The following SLC44A1 variants were observed in gnomAD, a reference collection of about 807,000 sequenced individuals.
SLC44A1 encodes choline transporter-like protein 1.
A neutral mutation model predicts 79.3 loss-of-function variants in SLC44A1; 26 were observed. The observed-to-expected ratio is 0.33, with a 90% CI of 0.24 to 0.46. The LOEUF is 0.46. Among genes scored for constraint, SLC44A1 ranks in the 20% least tolerant of loss-of-function variants. The probability of loss-of-function intolerance (pLI) is 1.00; values close to 1 mark genes in which losing one functional copy is unlikely to be tolerated. For missense variants in SLC44A1, 688 were observed against 798.1 expected, an observed-to-expected ratio of 0.86 and a Z score of 1.66; for synonymous variants, 263 against 286.2, an observed-to-expected ratio of 0.92 and a Z score of 0.82.
chr9:105,290,047 C>T (rs1240927203), intron 1 of SLC44A1, among the ~76,000 whole-genome samples: 2 of 152,116 alleles, frequency 1.3e-5, no homozygotes, highest in Non-Finnish European at 2.9e-5. Flanking sequence ...AACTCCTGAC[C>T]TCAGGTGATC....
chr9:105,400,461 C>A (rs112522431), downstream of SLC44A1, among the ~76,000 whole-genome samples: 825 of 149,224 alleles, frequency 5.5e-3, 4 homozygotes, highest in African/African-American at 0.019. Context: ...TGCACTCCAG[C>A]CTGGTGACAG....
chr9:105,246,366 C>T (rs1349332399), intron 1 of SLC44A1, among the ~76,000 whole-genome samples: 2 of 146,868 alleles, frequency 1.4e-5, no homozygotes, highest in Non-Finnish European at 3.0e-5. Flanking sequence ...CATCCTATTC[C>T]TCCAGTCTTT....
At chr9:105,280,600 T>G (rs1318600285) in intron 1 of SLC44A1, among the ~76,000 whole-genome samples, 1 of 152,188 alleles carries the variant, frequency 6.6e-6, no homozygotes, top group Non-Finnish European at 1.5e-5. Context: ...CAGGTATTAA[T>G]AGAAGAAAAC....
intron 12 of SLC44A1, among the ~76,000 whole-genome samples, chr9:105,372,420 C>T (rs1357681240): frequency 6.6e-6 from 1 of 151,776 alleles, no homozygotes. Context: ...TCCGAGTAGC[C>T]GGGATTACAG....
chr9:105,288,916 G>C lies in SLC44A1; in HGVS notation c.37-10304G>C, dbSNP rs887133773. 5.9e-5 allele frequency among the ~76,000 whole-genome samples: 9 copies of C among 152,262 alleles called. No individual in the cohort carries two copies. In the East Asian group the frequency reaches 1.5e-3, roughly 26 times the overall value. On this transcript the variant is annotated intron_variant, in intron 1 of 15. Transcript: ENST00000374720. Reference sequence around the variant, plus strand: ...TGTTTTGGAGAATCTTACAATAAAGGCTCAAAGAAATCCTTCTTGAAAGAC... The same window carrying C: ...TGTTTTGGAGAATCTTACAATAAAGCCTCAAAGAAATCCTTCTTGAAAGAC...
At chr9:105,285,958 A>C (rs1161440265) in intron 1 of SLC44A1, among the ~76,000 whole-genome samples, 4 of 152,082 alleles carry the variant, frequency 2.6e-5, no homozygotes, top group African/African-American at 9.7e-5. Flanking sequence ...AAAATTACAC[A>C]GACATGGTGG....
chr9:105,401,899 G>A (rs1828963178), downstream of SLC44A1, among the ~76,000 whole-genome samples: 1 of 152,168 alleles, frequency 6.6e-6, no homozygotes, highest in African/African-American at 2.4e-5. Context: ...AGCAGTGATA[G>A]TAGAGAGTGC....
chr9:105,301,194 G>C (rs1487449684), intron 2 of SLC44A1, among the ~76,000 whole-genome samples: 1 of 152,122 alleles, frequency 6.6e-6, no homozygotes, highest in Admixed American at 6.5e-5. Context: ...TGCCACCCGA[G>C]GTGCTTTGGA....
At chr9:105,321,315 T>C (rs1316912268) in intron 3 of SLC44A1, among the ~76,000 whole-genome samples, 2 of 152,240 alleles carry the variant, frequency 1.3e-5, no homozygotes, top group Non-Finnish European at 2.9e-5. Context: ...AAGCATTTAT[T>C]GAAAAGACTA....
At chr9:105,406,001 T>C (rs1209976593) in intron 15 of SLC44A1, among the ~76,000 whole-genome samples, 1 of 152,120 alleles carries the variant, frequency 6.6e-6, no homozygotes, top group Non-Finnish European at 1.5e-5. Flanking sequence ...ACCACAAACG[T>C]TCGCTTCTGG....
At chr9:105,360,084 C>T (rs903466279) in intron 7 of SLC44A1, among the ~76,000 whole-genome samples, 1 of 152,184 alleles carries the variant, frequency 6.6e-6, no homozygotes, top group South Asian at 2.1e-4. Flanking sequence ...TCTCTGCCCA[C>T]ATCTCTACCA....
intron 15 of SLC44A1, among the ~76,000 whole-genome samples, chr9:105,412,986 T>C (rs2131508673): frequency 6.6e-6 from 1 of 152,242 alleles, no homozygotes; most frequent in East Asian, 1.9e-4. Context: ...CTAGAGAAGA[T>C]ATCTACTGGG....
chr9:105,434,610 T>C (rs911999801), intron 15 of SLC44A1, among the ~76,000 whole-genome samples: 1 of 152,198 alleles, frequency 6.6e-6, no homozygotes, highest in Non-Finnish European at 1.5e-5. Context: ...AGTCTTGGAC[T>C]TTAAGATGGA....
At position 105,299,298 on chromosome 9, in the gene SLC44A1, T is replaced by C; in HGVS notation, c.115T>C (p.Cys39Arg). ...ATGGCTGCTGCTCTTCATCCTCTTCTGCATTGGGATGGTAAGGAAACTCTC... is the reference window on the plus strand; with the variant it reads ...ATGGCTGCTGCTCTTCATCCTCTTCCGCATTGGGATGGTAAGGAAACTCTC... ...IPWLLLFILF[C>R]IGMGFICGFS... The change falls in exon 2 of 16, where the codon TGC becomes CGC. Residue 39 changes from cysteine (C) to arginine (R), a missense_variant. Cys to Arg is a radical substitution (Grantham distance 180). Transcript: ENST00000374720. The C allele has an allele frequency of 1.3e-6, 2 of 1,582,052 alleles. No homozygotes were observed. The highest frequency in any genetic ancestry group is 1.7e-6 in the Non-Finnish European group (2 of 1,168,576).
intron 15 of SLC44A1, among the ~76,000 whole-genome samples, chr9:105,429,379 C>T (rs893070733): frequency 6.6e-5 from 10 of 152,264 alleles, no homozygotes; most frequent in Middle Eastern, 3.4e-3. Flanking sequence ...CACAGCTCAC[C>T]GCAACCTCCG....
chr9:105,429,157 T>C (rs1378543812), intron 15 of SLC44A1, among the ~76,000 whole-genome samples: 1 of 152,254 alleles, frequency 6.6e-6, no homozygotes, highest in Non-Finnish European at 1.5e-5. Context: ...CACTCACAGG[T>C]AAGTGATACG....
chr9:105,286,318 G>A (rs567043480), intron 1 of SLC44A1, among the ~76,000 whole-genome samples: 3 of 152,284 alleles, frequency 2.0e-5, no homozygotes, highest in Non-Finnish European at 2.9e-5. Flanking sequence ...GCTGTAGTAC[G>A]TACTGACCAT....
chr9:105,366,575 A>T (rs962537424), intron 12 of SLC44A1, 146 bp downstream of exon 12: 1 of 410,588 alleles, frequency 2.4e-6, no homozygotes, highest in East Asian at 3.8e-5. Context: ...TATTTCAATC[A>T]TATTCTTATT....
chr9:105,263,039 T>C (rs1829877812), intron 1 of SLC44A1, among the ~76,000 whole-genome samples: 2 of 152,198 alleles, frequency 1.3e-5, no homozygotes, highest in Non-Finnish European at 1.5e-5. Context: ...CCAGTGTTTC[T>C]AGTCCTATTT....
Sources: gnomAD v4.1 joint callset for allele counts (sites outside exome capture counted in the v4.1 genomes callset) on GRCh38, gnomAD v4.1.1 for gene constraint, MANE v1.5 for transcripts, NCBI Gene and HGNC (gene_info 2026-07-23, HGNC 2026-07-21) for gene names.